The following CCNA2 variants were observed in gnomAD, a reference collection of about 807,000 sequenced individuals.
CCNA2 encodes the protein cyclin A2.
In CCNA2, 3 loss-of-function variants were observed where a neutral mutation model predicts 49.4. That is an observed-to-expected ratio of 0.06 (90% CI 0.03 to 0.16). The LOEUF (loss-of-function observed/expected upper bound fraction) is 0.16. Among genes scored for constraint, CCNA2 ranks in the 10% least tolerant of loss-of-function variants. The pLI is 1.00. For synonymous variants in CCNA2, 206 were observed against 197.2 expected, an observed-to-expected ratio of 1.04 and a Z score of -0.37; for missense variants, 372 against 519.7, an observed-to-expected ratio of 0.72 and a Z score of 2.76.
In CCNA2 at chr4:121,819,338, G is replaced by A. The variant is rs189692113; in HGVS notation, c.1002+34C>T. ...GGGCTTACCCCTAATTATTACCAAA[G>A]AATCACCATTCAACAAAATGAAAGT... On this transcript the variant is annotated intron_variant, in intron 5 of 7. Transcript: ENST00000274026. 2.2e-5 allele frequency: 34 copies of A among 1,526,102 alleles called. No individual in the cohort carries two copies. The Admixed American group carries it at 3.5e-4, about 16-fold the overall frequency. 94.5% of individuals were successfully genotyped at this position (1,526,102 alleles called of 1,614,324 possible).
chr4:121,818,313 A>C, intron 6 of CCNA2, 136 bp from the exon 7 acceptor site: 1 of 776,774 alleles, frequency 1.3e-6, no homozygotes, highest in Non-Finnish European at 2.1e-6. Context: ...TTCTCAGGCC[A>C]TTATTCCATC....
chr4:121,816,684 CCTACTGGAAAA>C lies in CCNA2; in HGVS notation c.*943_*953del. ...TACTCATAGCTGACACATTTTAGATCCTACTGGAAAACTAAGAAATGCCTCTTATTTCAATA... is the reference window on the plus strand; with the variant it reads ...TACTCATAGCTGACACATTTTAGATCCTAAGAAATGCCTCTTATTTCAATA... On this transcript the variant is annotated 3_prime_UTR_variant, in exon 8 of 8. Transcript: ENST00000274026. 7.6e-7 allele frequency: 1 copy of C among 1,322,878 alleles called. No homozygotes were observed. Among genetic ancestry groups the C allele is most frequent in the Non-Finnish European group, 1.0e-6 (1 of 987,738 alleles). The allele number at this position is 1,322,878 out of a possible 1,614,324, so 81.9% of individuals were successfully genotyped here. A position where few individuals can be genotyped will look rare whatever the true frequency, so the allele number is the denominator to read the frequency against.
chr4:121,817,980 A>C, intron 7 of CCNA2, 64 bp downstream of exon 7: 1 of 1,480,724 alleles, frequency 6.8e-7, no homozygotes, highest in East Asian at 2.3e-5. Flanking sequence ...ATAAGGTTAA[A>C]ATGTCAAAGA....
chr4:121,816,776 C>G lies in CCNA2; in HGVS notation c.*862G>C. 6.3e-7 allele frequency: 1 copy of G among 1,592,868 alleles called. No homozygotes were observed. ...CTTACTTTGCTTTATTCACAGAACA[C>G]AGACCACCAGTGCAAAACAAGAAAA... On this transcript the variant is annotated 3_prime_UTR_variant, in exon 8 of 8. Transcript: ENST00000274026.
At position 121,816,962 on chromosome 4, in the gene CCNA2, G is replaced by T; in HGVS notation, c.*676C>A. The T allele has an allele frequency of 3.6e-6, 4 of 1,125,322 alleles. No homozygotes were observed. Among genetic ancestry groups the T allele is most frequent in the South Asian group, 2.1e-5 (1 of 46,616 alleles). The allele number at this position is 1,125,322 out of a possible 1,614,324, so 69.7% of individuals were successfully genotyped here. ...CACAAATCCATTATAAAATCTAGCA[G>T]GATTTTAAAAATAGTTTTTTGTTTT... On this transcript the variant is annotated 3_prime_UTR_variant, in exon 8 of 8. Transcript: ENST00000274026.
rs1165553181 is a variant in CCNA2, at chr4:121,820,612, A to G, written c.724T>C (p.Phe242Leu). Residue 242 changes from phenylalanine (F) to leucine (L), a missense_variant, in exon 4 of 8, where the codon TTC becomes CTC. Physicochemically the swap from Phe to Leu is conservative, Grantham distance 22 (BLOSUM62 0). Transcript: ENST00000274026. The surrounding 1 kb of genome is among the most constrained non-coding windows in gnomAD (Gnocchi z 4.1). Reference sequence around the variant, plus strand: ...CTCAGCACTGACATGGAAGACAGGAACCTATCAATGTAGTTCACAGCCAAA... The same window carrying G: ...CTCAGCACTGACATGGAAGACAGGAGCCTATCAATGTAGTTCACAGCCAAA... ...LHLAVNYIDR[F>L]LSSMSVLRGK... The G allele has an allele frequency of 6.2e-7, 1 of 1,614,180 alleles. No homozygotes were observed. The highest frequency in any genetic ancestry group is 1.7e-5 in the Admixed American group (1 of 60,022).
At position 121,823,557 on chromosome 4, in the gene CCNA2, C is replaced by T. The variant is rs1724758644; in HGVS notation, c.72G>A (p.Thr24=). 2 of 1,611,430 alleles carry T rather than the reference C, an allele frequency of 1.2e-6. No homozygotes were observed. Among genetic ancestry groups the T allele is most frequent in the African/African-American group, 1.3e-5 (1 of 75,052 alleles). The change falls in exon 1 of 8, where the codon ACG becomes ACA. Residue 24 remains threonine, a synonymous_variant. Transcript: ENST00000274026. The part of the protein sequence containing the change: ...AGSALLALQQ[T]ALQEDQENIN... ...TATTCTCCTGGTCCTCTTGGAGCGC[C>T]GTCTGCTGCAATGCTAGCAGCGCCG...
rs766013419 is a variant in CCNA2, at chr4:121,821,123, ATTGT to A, written c.458-36_458-33del. ...CAATTCAAAAGATATGATTAAATTA[ATTGT>A]TTGCCTATTTAGTTTAATAGCTAAA... On this transcript the variant is annotated intron_variant, in intron 2 of 7. Transcript: ENST00000274026. 11 of 1,595,530 alleles carry A rather than the reference ATTGT, an allele frequency of 6.9e-6. No individual in the cohort carries two copies. In the East Asian group the frequency reaches 2.5e-4, roughly 36 times the overall value.
Position 121,820,255 on chromosome 4 carries a change from A to T in CCNA2, c.794+287T>A, listed in dbSNP as rs888363251. Among the ~76,000 whole-genome samples the T allele has an allele frequency of 6.6e-6, 1 of 152,128 alleles. No homozygotes were observed. Among genetic ancestry groups the T allele is most frequent in the African/African-American group, 2.4e-5 (1 of 41,426 alleles). On this transcript the variant is annotated intron_variant, in intron 4 of 7. Transcript: ENST00000274026. This position sits in a 1 kb window ranked among gnomAD's most constrained non-coding sequence, Gnocchi z 4.1. ...CGCACCCAGCCTTTACTTCTTAATA[A>T]AAGAGACACTGCTTATATGCCAGAA... is the stretch of plus-strand genomic sequence containing the variant.
rs776472243 is a variant in CCNA2 at position 121,823,606 on chromosome 4, C to T, written c.23G>A (p.Gly8Glu). The change falls in exon 1 of 8, where the codon GGG (glycine) becomes GAG (glutamate). Residue 8 changes from glycine to glutamate, a missense_variant. Gly to Glu is a moderately conservative substitution (Grantham distance 98). Coordinates refer to ENST00000274026, the MANE Select transcript of CCNA2 (RefSeq NM_001237.5). MLGNSAPGPATREAGSAL... is the reference protein window; with the variant it reads MLGNSAPEPATREAGSAL... ...CGAGCCCGCCTCGCGGGTCGCAGGC[C>T]CCGGCGCAGAGTTGCCCAACATCAC... The T allele has an allele frequency of 6.3e-6, 10 of 1,598,274 alleles. No homozygotes were observed. The highest frequency in any genetic ancestry group is 8.5e-6 in the Non-Finnish European group (10 of 1,175,710).
chr4:121,821,066 T>G lies in CCNA2; in HGVS notation c.483A>C (p.Ser161=). The G allele has an allele frequency of 1.2e-6, 2 of 1,613,090 alleles. No individual in the cohort carries two copies. Among genetic ancestry groups the G allele is most frequent in the Non-Finnish European group, 1.7e-6 (2 of 1,179,310 alleles). Residue 161 remains serine, a synonymous_variant, in exon 3 of 8, where the codon TCA becomes TCC. Transcript: ENST00000274026. The part of the protein sequence containing the change: ...SFESPHTMDM[S]IILEDEKPVS... ...CTGGCTTTTCATCTTCTAATATAAT[T>G]GACATGTCCATAGTATGTGGTGACT...
rs892898957 is a variant in CCNA2 at position 121,818,653 on chromosome 4, T to C, written c.1116+147A>G. On this transcript the variant is annotated intron_variant, in intron 6 of 7. Transcript: ENST00000274026. ...TAAGTGGACTCACACAGTTCAAACC[T>C]GTGTTTTTCAAAGGTCAACTATATA... is the stretch of plus-strand genomic sequence containing the variant. 4.9e-6 allele frequency: 3 copies of C among 609,888 alleles called. No individual in the cohort carries two copies. In the African/African-American group the frequency reaches 5.5e-5, roughly 11 times the overall value. 37.8% of individuals were successfully genotyped at this position (609,888 alleles called of 1,614,324 possible).
At chr4:121,819,691 C>T in intron 4 of CCNA2, 112 bp from the exon 5 acceptor site, 1 of 693,664 alleles carries the variant, frequency 1.4e-6, no homozygotes, top group East Asian at 2.6e-5. Flanking sequence ...TCCACACCAA[C>T]TGCATTTCCA....
rs376656963 is a variant in CCNA2, at chr4:121,823,527, G to C, written c.102C>G (p.Asn34Lys). 34 of 1,612,994 alleles carry C rather than the reference G, an allele frequency of 2.1e-5. No homozygotes were observed. Among genetic ancestry groups the C allele is most frequent in the Non-Finnish European group, 2.8e-5 (33 of 1,179,710 alleles). The change falls in exon 1 of 8, where the codon AAC becomes AAG. Residue 34 changes from asparagine (N) to lysine (K), a missense_variant. Physicochemically the swap from Asn to Lys is moderately conservative, Grantham distance 94. This residue lies in a region of CCNA2 where 217 missense variants were observed against 231.7 expected (regional missense o/e 0.94). Coordinates refer to ENST00000274026, the MANE Select transcript of CCNA2 (RefSeq NM_001237.5). ...GTTGGACGGGCGCTGCCTTTTCCGG[G>C]TTGATATTCTCCTGGTCCTCTTGGA... ...TALQEDQENI[N>K]PEKAAPVQQP...
chr4:121,823,307 C>T, intron 1 of CCNA2, 109 bp downstream of exon 1: 1 of 1,333,090 alleles, frequency 7.5e-7, no homozygotes, highest in Non-Finnish European at 1.0e-6. Flanking sequence ...AGACCCTGGC[C>T]CCCTTCCAAA....
intron 1 of CCNA2, 143 bp from the exon 2 acceptor site, chr4:121,822,789 G>T: frequency 1.2e-6 from 1 of 824,652 alleles, no homozygotes; most frequent in Non-Finnish European, 1.9e-6. Flanking sequence ...ATTCAAAAGA[G>T]AAGGGATGTT....
rs1033727032 is a variant in CCNA2, at chr4:121,823,810, T to C, written c.-182A>G. The C allele has an allele frequency of 1.3e-5, 16 of 1,201,016 alleles. No individual in the cohort carries two copies. In the African/African-American group the frequency reaches 1.4e-4, roughly 11 times the overall value. The allele number at this position is 1,201,016 out of a possible 1,614,324, so 74.4% of individuals were successfully genotyped here. A position where few individuals can be genotyped will look rare whatever the true frequency, so the allele number is the denominator to read the frequency against. On this transcript the variant is annotated 5_prime_UTR_variant, in exon 1 of 8. Coordinates refer to ENST00000274026, the MANE Select transcript of CCNA2 (RefSeq NM_001237.5). ...TCGAGACCACGCAGGGCCGAGGAGG[T>C]TGCGAAAGGCGCAGGCAGGCACTGC...
chr4:121,818,208 TTTTGC>T, intron 6 of CCNA2, 31 bp from the exon 7 acceptor site: 1 of 1,596,298 alleles, frequency 6.3e-7, no homozygotes, highest in Middle Eastern at 1.7e-4. Context: ...AACCCCTGAG[TTTTGC>T]TTTTAGTAAC....
In CCNA2 at chr4:121,816,501, G is replaced by A. The variant is rs1266567663; in HGVS notation, c.*1137C>T. 3.4e-6 allele frequency: 4 copies of A among 1,180,172 alleles called. No individual in the cohort carries two copies. In the East Asian group the frequency reaches 9.6e-5, roughly 28 times the overall value. 73.1% of individuals were successfully genotyped at this position (1,180,172 alleles called of 1,614,324 possible). Reference sequence around the variant, plus strand: ...TATACATATACTCAACACTTATAGAGGTTTGCTCTCTGGTTTTACTCTCAT... The same window carrying A: ...TATACATATACTCAACACTTATAGAAGTTTGCTCTCTGGTTTTACTCTCAT... On this transcript the variant is annotated 3_prime_UTR_variant, in exon 8 of 8. Coordinates refer to ENST00000274026, the MANE Select transcript of CCNA2 (RefSeq NM_001237.5).
Sources: allele counts gnomAD v4.1 joint callset (sites outside exome capture counted in the v4.1 genomes callset), GRCh38; gene constraint gnomAD v4.1.1; regional missense constraint gnomAD v4.1.1; non-coding constraint Gnocchi (gnomAD v3.1); transcripts MANE v1.5; gene names NCBI Gene and HGNC (gene_info 2026-07-23, HGNC 2026-07-21).